IL15: variants seen among roughly 807,000 people sequenced by gnomAD.
The protein encoded by IL15 is interleukin-15.
In IL15, 11 loss-of-function variants were observed where a neutral mutation model predicts 19.6. The observed-to-expected ratio is 0.56, with a 90% CI of 0.35 to 0.93. The LOEUF is 0.93. IL15 is among the 40% of genes least tolerant of loss of function. The pLI is 0.01. For synonymous variants in IL15, 58 were observed against 59.6 expected (o/e 0.97, Z 0.12); for missense variants, 197 against 186.5 (o/e 1.06, Z -0.33).
At chr4:141,720,603 A>G (rs1407924617) in intron 4 of IL15, 37 bp downstream of exon 4, 2 of 1,018,312 alleles carry the variant, frequency 2.0e-6, no homozygotes, top group African/African-American at 3.2e-5. Context: ...CATTATGTTC[A>G]TGGTCATGAT....
chr4:141,686,086 G>A (rs1304178559), intron 2 of IL15, among the ~76,000 whole-genome samples: 1 of 151,938 alleles, frequency 6.6e-6, no homozygotes, highest in Non-Finnish European at 1.5e-5. Flanking sequence ...TACAAGGTCA[G>A]GTGTTCGAGA....
At chr4:141,653,272 C>T (rs138670352) in intron 1 of IL15, among the ~76,000 whole-genome samples, 8 of 152,230 alleles carry the variant, frequency 5.3e-5, no homozygotes, top group African/African-American at 1.9e-4. Flanking sequence ...AGGAGTTCAT[C>T]TTCTAAGCAG....
At chr4:141,728,703 CA>C (rs1408318930) in intron 6 of IL15, among the ~76,000 whole-genome samples, 1 of 152,088 alleles carries the variant, frequency 6.6e-6, no homozygotes, top group Non-Finnish European at 1.5e-5. Flanking sequence ...ACTTTCTAAG[CA>C]TTGGAAAGAA....
intron 5 of IL15, among the ~76,000 whole-genome samples, chr4:141,722,249 T>G (rs1056977596): frequency 1.3e-5 from 2 of 152,116 alleles, no homozygotes; most frequent in African/African-American, 4.8e-5. Flanking sequence ...GGTGAGGTAT[T>G]CTCTTCCTCT....
chr4:141,673,850 C>T (rs958605229), intron 2 of IL15, among the ~76,000 whole-genome samples: 1 of 152,108 alleles, frequency 6.6e-6, no homozygotes, highest in African/African-American at 2.4e-5. Flanking sequence ...TATACCATTT[C>T]TAATATTCCA....
At chr4:141,692,304 A>C (rs68003574) in intron 2 of IL15, among the ~76,000 whole-genome samples, 11,594 of 152,270 alleles carry the variant, frequency 0.076, 1,108 homozygotes, top group East Asian at 0.41. Context: ...GGCTGCCTTG[A>C]AGATCTCTGA....
chr4:141,721,033 C>G (rs1219616677), intron 4 of IL15: 1 of 696,654 alleles, frequency 1.4e-6, no homozygotes, highest in African/African-American at 1.8e-5. Context: ...GTTTCCATGA[C>G]TATTAACTTT....
intron 2 of IL15, among the ~76,000 whole-genome samples, chr4:141,686,970 G>A (rs1030075548): frequency 6.6e-6 from 1 of 152,024 alleles, no homozygotes; most frequent in Non-Finnish European, 1.5e-5. Flanking sequence ...TTAGCAAAGG[G>A]GATTGAAATT....
chr4:141,649,131 C>G (rs555988252), intron 1 of IL15, among the ~76,000 whole-genome samples: 1 of 152,202 alleles, frequency 6.6e-6, no homozygotes, highest in African/African-American at 2.4e-5. Context: ...GAATGCACTA[C>G]TTCATCCAGT....
chr4:141,732,989 T>C lies in IL15; in HGVS notation c.*141T>C. On this transcript the variant is annotated 3_prime_UTR_variant, in exon 8 of 8. Coordinates refer to ENST00000320650, the MANE Select transcript of IL15 (RefSeq NM_000585.5). ...GAAGATGATCAGACCTTGGATCAGA[T>C]GAACTCTTAGAAATGAAGGCAGAAA... The C allele has an allele frequency of 7.5e-7, 1 of 1,332,540 alleles. No individual in the cohort carries two copies. 82.5% of individuals were successfully genotyped at this position (1,332,540 alleles called of 1,614,324 possible).
intron 1 of IL15, among the ~76,000 whole-genome samples, chr4:141,651,094 C>G (rs1000976948): frequency 6.6e-6 from 1 of 151,938 alleles, no homozygotes; most frequent in Non-Finnish European, 1.5e-5. Flanking sequence ...TAGATGAACA[C>G]TTCCACCATT....
At chr4:141,716,615 C>G (rs1022582454) in intron 2 of IL15, 1 of 152,280 alleles carries the variant, frequency 6.6e-6, no homozygotes, top group African/African-American at 2.4e-5. Flanking sequence ...CAGAGAGCCC[C>G]CAACAGGGCG....
intron 2 of IL15, among the ~76,000 whole-genome samples, chr4:141,666,799 G>A (rs1728002489): frequency 6.6e-6 from 1 of 152,116 alleles, no homozygotes; most frequent in Admixed American, 6.5e-5. Context: ...CCCCATTTCT[G>A]AAGGGGTCCT....
intron 1 of IL15, among the ~76,000 whole-genome samples, chr4:141,654,818 A>G (rs993345044): frequency 5.3e-5 from 8 of 152,266 alleles, no homozygotes; most frequent in Admixed American, 1.3e-4. Context: ...ATATAAAAAT[A>G]TATTTTTAAA....
intron 2 of IL15, among the ~76,000 whole-genome samples, chr4:141,687,420 G>T (rs1247894577): frequency 3.9e-5 from 6 of 152,200 alleles, no homozygotes; most frequent in Admixed American, 2.0e-4. Context: ...CCTGCCTGCT[G>T]ACAGCATCTG....
chr4:141,707,638 G>A lies in IL15; in HGVS notation c.-99-11728G>A, dbSNP rs536411070. Among the ~76,000 whole-genome samples the A allele has an allele frequency of 9.8e-5, 15 of 152,304 alleles. No homozygotes were observed. The South Asian group carries it at 3.1e-3, about 32-fold the overall frequency. On this transcript the variant is annotated intron_variant, in intron 2 of 7. Coordinates refer to ENST00000320650, the MANE Select transcript of IL15 (RefSeq NM_000585.5). Reference sequence around the variant, plus strand: ...GGGTGGACTCAGTAGCACGGTATCTGTGCAGTTTCTTTGGCTGTAATACTC... The same window carrying A: ...GGGTGGACTCAGTAGCACGGTATCTATGCAGTTTCTTTGGCTGTAATACTC...
intron 2 of IL15, among the ~76,000 whole-genome samples, chr4:141,707,732 C>G (rs768528517): frequency 7.9e-5 from 12 of 152,066 alleles, no homozygotes; most frequent in South Asian, 2.1e-4. Flanking sequence ...GCATAGTTTT[C>G]TTGGGGTGGG....
At chr4:141,726,097 A>G (rs1443211939) in intron 5 of IL15, among the ~76,000 whole-genome samples, 3 of 152,112 alleles carry the variant, frequency 2.0e-5, no homozygotes, top group Non-Finnish European at 4.4e-5. Context: ...TTGTGATCCA[A>G]TTACCTCTTA....
At chr4:141,675,914 G>A (rs898898259) in intron 2 of IL15, among the ~76,000 whole-genome samples, 3 of 152,108 alleles carry the variant, frequency 2.0e-5, no homozygotes, top group Admixed American at 6.6e-5. Flanking sequence ...CCAAGAGACA[G>A]CATACTAGTT....
Sources: allele counts gnomAD v4.1 joint callset (sites outside exome capture counted in the v4.1 genomes callset), GRCh38; gene constraint gnomAD v4.1.1; transcripts MANE v1.5; gene names NCBI Gene and HGNC (gene_info 2026-07-23, HGNC 2026-07-21).